The following NALF1 variants were observed in gnomAD, a reference collection of about 807,000 sequenced individuals.
The protein encoded by NALF1 is NALCN channel auxiliary factor 1.
A neutral mutation model predicts 48.4 loss-of-function variants in NALF1; 3 were observed. The ratio of observed to expected loss-of-function variants is 0.06; its 90% CI spans 0.03 to 0.16. The LOEUF is 0.16. Ranked by LOEUF, NALF1 falls within the 10% of genes least tolerant of loss-of-function variation. The pLI is 1.00. For synonymous variants in NALF1, 262 were observed against 245.7 expected, an observed-to-expected ratio of 1.07 and a Z score of -0.62; for missense variants, 526 against 571.5, an observed-to-expected ratio of 0.92 and a Z score of 0.81.
chr13:107,172,486 T>C (rs187362210), intron 2 of NALF1, among the ~76,000 whole-genome samples: 1 of 152,348 alleles, frequency 6.6e-6, no homozygotes, highest in Non-Finnish European at 1.5e-5. Context: ...ATCTTCATTT[T>C]CTTTTAAAGA....
intron 1 of NALF1, among the ~76,000 whole-genome samples, chr13:107,251,006 G>A (rs1880689565): frequency 6.6e-6 from 1 of 152,100 alleles, no homozygotes; most frequent in South Asian, 2.1e-4. Flanking sequence ...AGAACCGTGA[G>A]CCAACTAAAC....
intron 1 of NALF1, among the ~76,000 whole-genome samples, chr13:107,497,965 G>T (rs1875393391): frequency 2.6e-5 from 4 of 152,068 alleles, no homozygotes; most frequent in Admixed American, 2.6e-4. Context: ...TTTTGTCCTT[G>T]TTAGAATATG....
At chr13:107,544,038 A>G (rs1206214159) in intron 1 of NALF1, among the ~76,000 whole-genome samples, 1 of 152,156 alleles carries the variant, frequency 6.6e-6, no homozygotes, top group Non-Finnish European at 1.5e-5. Flanking sequence ...ACAACAATCT[A>G]AAAGTCAAAA....
At chr13:107,351,682 G>A (rs1374100761) in intron 1 of NALF1, among the ~76,000 whole-genome samples, 2 of 152,170 alleles carry the variant, frequency 1.3e-5, no homozygotes, top group African/African-American at 4.8e-5. Context: ...CTGGTGGCGT[G>A]CCATTCTATC....
intron 1 of NALF1, among the ~76,000 whole-genome samples, chr13:107,679,483 T>C (rs1400037742): frequency 1.3e-5 from 2 of 152,132 alleles, no homozygotes; most frequent in East Asian, 1.9e-4. Flanking sequence ...ACTGTGCAAG[T>C]GACTTTTATG....
At chr13:107,571,983 T>C (rs1361660426) in intron 1 of NALF1, among the ~76,000 whole-genome samples, 1 of 152,080 alleles carries the variant, frequency 6.6e-6, no homozygotes, top group Non-Finnish European at 1.5e-5. Flanking sequence ...GTGTAGCAAA[T>C]TACAAAGTAT....
rs576628748 is a variant in NALF1 at position 107,798,235 on chromosome 13, TCTTGTC to T, written c.915+67441_915+67446del. Among the ~76,000 whole-genome samples the T allele has an allele frequency of 7.2e-5, 11 of 152,342 alleles. No individual in the cohort carries two copies. In the East Asian group the frequency reaches 2.1e-3, roughly 29 times the overall value. On this transcript the variant is annotated intron_variant, in intron 1 of 2. Transcript: ENST00000375915. ...CAGCCAATTTTAGTTTTGTGTATTTTCTTGTCCTTTGCATGCAAAATTACTTTTCAG... is the reference window on the plus strand; with the variant it reads ...CAGCCAATTTTAGTTTTGTGTATTTTCTTTGCATGCAAAATTACTTTTCAG...
Position 107,186,034 on chromosome 13 carries a change from C to A in NALF1, c.1088-15248G>T, listed in dbSNP as rs559529985. Among the ~76,000 whole-genome samples the A allele has an allele frequency of 5.3e-5, 8 of 152,270 alleles. No homozygotes were observed. In the South Asian group the frequency reaches 1.7e-3, roughly 32 times the overall value. ...AGTAGTGCGAAAAAAGATCTTATGC[C>A]ATCCTGCTCCATTTTGGCCAGGAAG... On this transcript the variant is annotated intron_variant, in intron 2 of 2. Transcript: ENST00000375915.
chr13:107,297,628 G>A (rs891014698), intron 1 of NALF1, among the ~76,000 whole-genome samples: 23 of 152,268 alleles, frequency 1.5e-4, no homozygotes, highest in Non-Finnish European at 2.9e-4. Flanking sequence ...GAAAGACAAT[G>A]ACTGTCAGAG....
intron 1 of NALF1, among the ~76,000 whole-genome samples, chr13:107,762,555 TTGTG>T (rs1217546840): frequency 2.0e-5 from 3 of 151,920 alleles, no homozygotes; most frequent in African/African-American, 7.3e-5. Context: ...TAGAAAGACA[TTGTG>T]TATGGAGGTA....
chr13:107,229,506 G>A (rs1880175553), intron 1 of NALF1, among the ~76,000 whole-genome samples: 2 of 152,148 alleles, frequency 1.3e-5, no homozygotes, highest in African/African-American at 4.8e-5. Flanking sequence ...TTATGCATCA[G>A]GGGACGCCTT....
chr13:107,298,513 C>A (rs1417100064), intron 1 of NALF1, among the ~76,000 whole-genome samples: 1 of 151,806 alleles, frequency 6.6e-6, no homozygotes. Context: ...CTCACTATAA[C>A]CTCCGCCTCC....
intron 1 of NALF1, among the ~76,000 whole-genome samples, chr13:107,247,134 A>G (rs372954618): frequency 6.6e-6 from 1 of 152,222 alleles, no homozygotes; most frequent in African/African-American, 2.4e-5. Flanking sequence ...TTGGATTAAC[A>G]TAAAGGAGAA....
At chr13:107,380,290 T>G (rs1883410284) in intron 1 of NALF1, among the ~76,000 whole-genome samples, 1 of 152,190 alleles carries the variant, frequency 6.6e-6, no homozygotes, top group African/African-American at 2.4e-5. Context: ...GTTTCCTTTA[T>G]ATTGCGTATT....
intron 1 of NALF1, among the ~76,000 whole-genome samples, chr13:107,242,524 A>G (rs1880497188): frequency 6.6e-6 from 1 of 152,252 alleles, no homozygotes; most frequent in South Asian, 2.1e-4. Context: ...GGTAAATTAC[A>G]GCCCTTACAT....
chr13:107,623,712 T>A (rs1879593653), intron 1 of NALF1, among the ~76,000 whole-genome samples: 1 of 152,136 alleles, frequency 6.6e-6, no homozygotes, highest in South Asian at 2.1e-4. Context: ...TCCCTCAACA[T>A]CTCTCAAGAA....
At chr13:107,266,425 C>T (rs1383678606) in intron 1 of NALF1, among the ~76,000 whole-genome samples, 1 of 152,216 alleles carries the variant, frequency 6.6e-6, no homozygotes, top group African/African-American at 2.4e-5. Context: ...GTACTGTTGA[C>T]AAGGTTTCAC....
intron 1 of NALF1, among the ~76,000 whole-genome samples, chr13:107,557,813 A>T: frequency 6.6e-6 from 1 of 152,158 alleles, no homozygotes; most frequent in South Asian, 2.1e-4. Flanking sequence ...GCAAGCACGG[A>T]CACCCATGCA....
At chr13:107,709,610 T>C (rs2138517900) in intron 1 of NALF1, among the ~76,000 whole-genome samples, 1 of 152,346 alleles carries the variant, frequency 6.6e-6, no homozygotes, top group South Asian at 2.1e-4. Context: ...TAAAATACTT[T>C]TTAAAATTCT....
Sources: allele counts gnomAD v4.1 joint callset (sites outside exome capture counted in the v4.1 genomes callset), GRCh38; gene constraint gnomAD v4.1.1; transcripts MANE v1.5; gene names NCBI Gene and HGNC (gene_info 2026-07-23, HGNC 2026-07-21).